INTS14: variants seen among roughly 807,000 people sequenced by gnomAD.
The protein encoded by INTS14 is UPF0464 protein C15orf44.
Under a neutral mutation model 56.9 loss-of-function variants are expected in INTS14, and 27 were observed. The ratio of observed to expected loss-of-function variants is 0.47; its 90% CI spans 0.35 to 0.65. The LOEUF is 0.65. Among genes scored for constraint, INTS14 ranks in the 30% least tolerant of loss-of-function variants. INTS14 has a pLI of 0.00. For missense variants in INTS14, 517 were observed against 632.2 expected (o/e 0.82, Z 1.95); for synonymous variants, 207 against 236.2 (o/e 0.88, Z 1.13).
At chr15:65,590,008 T>C (rs1306319655) in intron 9 of INTS14, among the ~76,000 whole-genome samples, 1 of 152,210 alleles carries the variant, frequency 6.6e-6, no homozygotes, top group Admixed American at 6.5e-5. Flanking sequence ...TTTCAACTAA[T>C]AGTACTATCT....
intron 2 of INTS14, among the ~76,000 whole-genome samples, chr15:65,606,255 A>AC (rs1157174017): frequency 6.6e-6 from 1 of 151,034 alleles, no homozygotes; most frequent in Admixed American, 6.6e-5. Context: ...TCCGTCTCAA[A>AC]AAAAAAAAAA....
chr15:65,592,305 G>C (rs544155632), intron 8 of INTS14, among the ~76,000 whole-genome samples: 1 of 152,346 alleles, frequency 6.6e-6, no homozygotes, highest in African/African-American at 2.4e-5. Flanking sequence ...CAGAAATGGA[G>C]CCATGCTTCC....
intron 2 of INTS14, among the ~76,000 whole-genome samples, chr15:65,605,723 G>T (rs1283044325): frequency 6.6e-6 from 1 of 152,110 alleles, no homozygotes; most frequent in African/African-American, 2.4e-5. Context: ...GGCAGAACCT[G>T]GATTTGTAAG....
chr15:65,611,062 G>C (rs77989486), intron 1 of INTS14, 36 bp downstream of exon 1: 14 of 1,535,420 alleles, frequency 9.1e-6, no homozygotes, highest in Non-Finnish European at 1.2e-5. Flanking sequence ...AACAAGCAGC[G>C]AAAGGCAGTC....
chr15:65,579,575 A>C lies in INTS14; in HGVS notation c.1390T>G (p.Cys464Gly). 1 of 1,614,200 alleles carries C rather than the reference A, an allele frequency of 6.2e-7. No homozygotes were observed. The highest frequency in any genetic ancestry group is 8.5e-7 in the Non-Finnish European group (1 of 1,180,034). Residue 464 changes from cysteine to glycine, a missense_variant, in exon 12 of 12, where the codon TGC becomes GGC. Physicochemically the swap from Cys to Gly is radical, Grantham distance 159. Transcript: ENST00000313182. ...TGGGCTGTCTCAGGCAGCAGTGTGC[A>C]TTCCCTTTCCAGCATGTCAGCCACC... ...KGVADMLERE[C>G]TLLPETAHPD...
chr15:65,600,022 C>T (rs2073370463), intron 3 of INTS14, 93 bp from the exon 4 acceptor site: 2 of 1,372,712 alleles, frequency 1.5e-6, no homozygotes, highest in Admixed American at 2.4e-5. Flanking sequence ...GAAAGGGGCA[C>T]CAGGGCTGGC....
At chr15:65,590,349 A>G (rs1340417011) in intron 9 of INTS14, among the ~76,000 whole-genome samples, 1 of 152,254 alleles carries the variant, frequency 6.6e-6, no homozygotes, top group African/African-American at 2.4e-5. Flanking sequence ...TTCTCACTGT[A>G]GCCAGAAGGA....
chr15:65,601,088 G>A (rs117117979), intron 3 of INTS14, among the ~76,000 whole-genome samples: 5 of 152,272 alleles, frequency 3.3e-5, no homozygotes, highest in Admixed American at 6.5e-5. Flanking sequence ...CAACTAAAAT[G>A]ACACCTAGTT....
intron 3 of INTS14, 129 bp downstream of exon 3, chr15:65,605,000 A>G (rs1433285145): frequency 1.4e-6 from 1 of 698,218 alleles, no homozygotes; most frequent in Non-Finnish European, 2.5e-6. Context: ...TCACTTAAGA[A>G]GATACCAATA....
chr15:65,595,933 G>A (rs1231396115), intron 6 of INTS14, 108 bp from the exon 7 acceptor site: 1 of 760,980 alleles, frequency 1.3e-6, no homozygotes, highest in Non-Finnish European at 2.0e-6. Flanking sequence ...TTTCAAATAT[G>A]ATGACTGGGA....
chr15:65,606,663 A>T (rs1206403373), intron 2 of INTS14, among the ~76,000 whole-genome samples: 2 of 152,246 alleles, frequency 1.3e-5, no homozygotes, highest in Non-Finnish European at 2.9e-5. Flanking sequence ...AAATTCTAAC[A>T]TAACACAGAA....
intron 9 of INTS14, among the ~76,000 whole-genome samples, chr15:65,587,559 AG>A (rs1249052535): frequency 6.6e-6 from 1 of 152,234 alleles, no homozygotes; most frequent in Non-Finnish European, 1.5e-5. Context: ...TTAACCAAAA[AG>A]AACATTATAA....
intron 7 of INTS14, 112 bp from the exon 8 acceptor site, chr15:65,593,684 G>A: frequency 4.0e-6 from 5 of 1,249,228 alleles, no homozygotes; most frequent in South Asian, 2.2e-5. Context: ...GAGTTCTAAG[G>A]GAATATTATA....
Position 65,584,791 on chromosome 15 carries a change from CCAGA to C in INTS14, c.1214_1217del (p.Val405GlyfsTer15). 2 of 1,612,970 alleles carry C rather than the reference CCAGA, an allele frequency of 1.2e-6. No individual in the cohort carries two copies. Among genetic ancestry groups the C allele is most frequent in the African/African-American group, 1.3e-5 (1 of 74,942 alleles). On this transcript the variant is annotated frameshift_variant, in exon 10 of 12. Coordinates refer to ENST00000313182, the MANE Select transcript of INTS14 (RefSeq NM_001394796.1). LOFTEE classifies it high-confidence loss of function. ...TTACCTGCAGGCCGCTGGGTTTGATCCAGACAGTCACATTCTGGGCATAACTGCG... is the reference window on the plus strand; with the variant it reads ...TTACCTGCAGGCCGCTGGGTTTGATCCAGTCACATTCTGGGCATAACTGCG...
intron 1 of INTS14, 52 bp downstream of exon 1, chr15:65,611,046 A>G: frequency 1.3e-6 from 2 of 1,535,252 alleles, no homozygotes; most frequent in South Asian, 1.2e-5. Context: ...CTTCACCTGT[A>G]ACCCCAACAA....
intron 6 of INTS14, 22 bp from the exon 7 acceptor site, chr15:65,595,847 A>C (rs1596252819): frequency 3.9e-6 from 6 of 1,533,404 alleles, no homozygotes; most frequent in Non-Finnish European, 5.4e-6. Context: ...GAATCAACAC[A>C]GAATTAATTC....
chr15:65,593,235 G>C (rs1406184185), intron 8 of INTS14, among the ~76,000 whole-genome samples, 193 bp downstream of exon 8: 1 of 151,914 alleles, frequency 6.6e-6, no homozygotes, highest in Non-Finnish European at 1.5e-5. Flanking sequence ...TGTACCCCTG[G>C]GGGACAGAGC....
chr15:65,602,398 C>T (rs2073470313), intron 3 of INTS14, among the ~76,000 whole-genome samples: 1 of 151,748 alleles, frequency 6.6e-6, no homozygotes, highest in African/African-American at 2.4e-5. Flanking sequence ...GATTCCCCTA[C>T]CTCAGCCTCC....
chr15:65,609,581 C>A (rs2073792768), intron 1 of INTS14, among the ~76,000 whole-genome samples: 1 of 152,058 alleles, frequency 6.6e-6, no homozygotes, highest in African/African-American at 2.4e-5. Flanking sequence ...ATGAACTACC[C>A]CTAAATCACC....
Sources: allele counts gnomAD v4.1 joint callset (sites outside exome capture counted in the v4.1 genomes callset), GRCh38; gene constraint gnomAD v4.1.1; transcripts MANE v1.5; gene names NCBI Gene and HGNC (gene_info 2026-07-23, HGNC 2026-07-21).